Variants in SHLD2 observed in about 807,000 individuals in gnomAD.
SHLD2 encodes shieldin complex subunit 2, also known as RINN1-REV7-interacting novel NHEJ regulator 2.
A neutral mutation model predicts 73.2 loss-of-function variants in SHLD2; 30 were observed. The ratio of observed to expected loss-of-function variants is 0.41; its 90% confidence interval spans 0.31 to 0.56. SHLD2 has a LOEUF of 0.56. SHLD2 is among the 20% of genes least tolerant of loss of function. The pLI, the probability that SHLD2 is intolerant of heterozygous loss-of-function variation, is 0.28. For missense variants in SHLD2, 745 were observed against 1,055.9 expected, an observed-to-expected ratio of 0.71 and a Z score of 4.08; for synonymous variants, 285 against 370.1, an observed-to-expected ratio of 0.77 and a Z score of 2.64.
At position 87,187,064 on chromosome 10, in the gene SHLD2, GTGT is replaced by G; in HGVS notation, c.2400-16_2400-14del. On this transcript the variant is annotated intron_variant, in intron 8 of 9. Coordinates refer to ENST00000298786, the MANE Select transcript of SHLD2 (RefSeq NM_001330112.2). ...ATCTGAAAATCTTTTTGAAGGTCGT[GTGT>G]TGTTTACTCTTTTGTAGGCCAGCGT... The G allele has an allele frequency of 6.9e-7, 1 of 1,446,980 alleles. No homozygotes were observed. Among genetic ancestry groups the G allele is most frequent in the Non-Finnish European group, 9.7e-7 (1 of 1,029,744 alleles). 89.6% of individuals were successfully genotyped at this position (1,446,980 alleles called of 1,614,324 possible).
chr10:87,111,732 C>A (rs1842937733), intron 2 of SHLD2, among the ~76,000 whole-genome samples: 1 of 150,688 alleles, frequency 6.6e-6, no homozygotes, highest in South Asian at 2.1e-4. Context: ...CCTGCTTTGG[C>A]CTCCCAAAGT....
chr10:87,132,451 A>G (rs1844496074), intron 2 of SHLD2, among the ~76,000 whole-genome samples: 2 of 152,184 alleles, frequency 1.3e-5, no homozygotes, highest in Admixed American at 1.3e-4. Flanking sequence ...ATTTTTATCC[A>G]TGATAATGTA....
chr10:87,180,171 T>A lies in SHLD2; in HGVS notation c.2267T>A (p.Ile756Asn), dbSNP rs1373561182. Residue 756 changes from isoleucine to asparagine, a missense_variant, in exon 8 of 10, where the codon ATT becomes AAT. This residue lies in a region of SHLD2 where 418 missense variants were observed against 567.8 expected (regional missense o/e 0.74). Transcript: ENST00000298786. Reference sequence around the variant, plus strand: ...AATGCTCACAGTTCTCTGAAGAGTATTTTTTCTTCTCTTCCCAACATCGTA... The same window carrying A: ...AATGCTCACAGTTCTCTGAAGAGTAATTTTTCTTCTCTTCCCAACATCGTA... ...ALNAHSSLKSIFSSLPNIVYT... is the reference protein window; with the variant it reads ...ALNAHSSLKSNFSSLPNIVYT... 13 of 1,613,630 alleles carry A rather than the reference T, an allele frequency of 8.1e-6. No individual in the cohort carries two copies. The highest frequency in any genetic ancestry group is 9.3e-6 in the Non-Finnish European group (11 of 1,179,712).
At chr10:87,132,186 C>G (rs868419625) in intron 2 of SHLD2, among the ~76,000 whole-genome samples, 49 of 152,000 alleles carry the variant, frequency 3.2e-4, no homozygotes, top group African/African-American at 1.1e-3. Context: ...TATTTTTGAT[C>G]CTTGAACTCA....
intron 4 of SHLD2, among the ~76,000 whole-genome samples, chr10:87,161,176 G>A (rs1305938314): frequency 6.6e-6 from 1 of 152,110 alleles, no homozygotes; most frequent in Non-Finnish European, 1.5e-5. Context: ...ATTAGGCTGA[G>A]TGCAGTGGTT....
intron 2 of SHLD2, among the ~76,000 whole-genome samples, chr10:87,131,870 C>T (rs1212009761): frequency 6.6e-6 from 1 of 152,088 alleles, no homozygotes; most frequent in Non-Finnish European, 1.5e-5. Context: ...ACATTTTTGC[C>T]GACACTGTTT....
chr10:87,153,907 AATTT>A (rs1846190294), intron 3 of SHLD2: 1 of 152,040 alleles, frequency 6.6e-6, no homozygotes, highest in Admixed American at 6.6e-5. Flanking sequence ...TTTAATTTTT[AATTT>A]ATTTATTTTT....
intron 2 of SHLD2, among the ~76,000 whole-genome samples, chr10:87,124,752 T>G (rs984515500): frequency 5.3e-5 from 8 of 151,530 alleles, no homozygotes; most frequent in East Asian, 3.9e-4. Context: ...AATTGTTTTT[T>G]TTTTTTTTTT....
Position 87,175,823 on chromosome 10 carries a change from T to C in SHLD2, c.1964-66T>C, listed in dbSNP as rs1015963391. 6 of 1,473,226 alleles carry C rather than the reference T, an allele frequency of 4.1e-6. No individual in the cohort carries two copies. In the African/African-American group the frequency reaches 8.5e-5, roughly 21 times the overall value. The allele number at this position is 1,473,226 out of a possible 1,614,324, so 91.3% of individuals were successfully genotyped here. A position where few individuals can be genotyped will look rare whatever the true frequency, so the allele number is the denominator to read the frequency against. Reference sequence around the variant, plus strand: ...ACTGACTTAATCAGATCAATCTATTTAATCTGATACTAAGCCTAGATTTTT... The same window carrying C: ...ACTGACTTAATCAGATCAATCTATTCAATCTGATACTAAGCCTAGATTTTT... On this transcript the variant is annotated intron_variant, in intron 6 of 9. Coordinates refer to ENST00000298786, the MANE Select transcript of SHLD2 (RefSeq NM_001330112.2).
intron 4 of SHLD2, among the ~76,000 whole-genome samples, chr10:87,170,264 ATAAT>A (rs1190578416): frequency 6.6e-6 from 1 of 152,240 alleles, no homozygotes; most frequent in Non-Finnish European, 1.5e-5. Flanking sequence ...GGGATAGTAA[ATAAT>A]TCCATTTCCA....
chr10:87,104,623 T>A (rs1185500074), intron 2 of SHLD2, among the ~76,000 whole-genome samples: 1 of 151,714 alleles, frequency 6.6e-6, no homozygotes, highest in Non-Finnish European at 1.5e-5. Flanking sequence ...AATAAAAATT[T>A]AAAAAATATA....
intron 3 of SHLD2, among the ~76,000 whole-genome samples, chr10:87,156,267 A>G (rs558067724): frequency 2.0e-5 from 3 of 152,138 alleles, no homozygotes; most frequent in Admixed American, 6.6e-5. Flanking sequence ...GGGTTTCACC[A>G]TATTGGCCGG....
rs1288987645 is a variant in SHLD2 at position 87,170,341 on chromosome 10, T to C, written c.1634-137T>C. On this transcript the variant is annotated intron_variant, in intron 4 of 9. Coordinates refer to ENST00000298786, the MANE Select transcript of SHLD2 (RefSeq NM_001330112.2). ...TGATTCAAGACTTAGCTATTGTACA[T>C]GTTTTAGAGAAAGCAAAACTATATT... 2.6e-5 allele frequency: 15 copies of C among 581,964 alleles called. No homozygotes were observed. The East Asian group carries it at 4.4e-4, about 17-fold the overall frequency. The allele number at this position is 581,964 out of a possible 1,614,324, so 36.1% of individuals were successfully genotyped here. A position where few individuals can be genotyped will look rare whatever the true frequency, so the allele number is the denominator to read the frequency against.
At chr10:87,182,286 A>G (rs3129433) in intron 8 of SHLD2, among the ~76,000 whole-genome samples, 2 of 152,230 alleles carry the variant, frequency 1.3e-5, no homozygotes, top group Non-Finnish European at 2.9e-5. Context: ...CATATCACAT[A>G]TGTACTGTGG....
At chr10:87,182,763 T>C (rs1848391681) in intron 8 of SHLD2, among the ~76,000 whole-genome samples, 1 of 151,860 alleles carries the variant, frequency 6.6e-6, no homozygotes, top group Admixed American at 6.6e-5. Context: ...GCTGCAGTCA[T>C]CTGAAGGCTT....
At chr10:87,165,382 T>C (rs943598636) in intron 4 of SHLD2, among the ~76,000 whole-genome samples, 17 of 152,200 alleles carry the variant, frequency 1.1e-4, no homozygotes, top group African/African-American at 3.4e-4. Context: ...AAATAATAAA[T>C]TTATAAGAAA....
intron 2 of SHLD2, among the ~76,000 whole-genome samples, chr10:87,125,955 A>G (rs1430788116): frequency 6.6e-6 from 1 of 152,018 alleles, no homozygotes; most frequent in Non-Finnish European, 1.5e-5. Flanking sequence ...AATTCTCAGT[A>G]ATTTTTGCAA....
At chr10:87,133,354 A>C (rs1844568344) in intron 2 of SHLD2, among the ~76,000 whole-genome samples, 1 of 152,050 alleles carries the variant, frequency 6.6e-6, no homozygotes, top group Non-Finnish European at 1.5e-5. Flanking sequence ...TTACTGTATC[A>C]CTTCTGCAAT....
At position 87,152,471 on chromosome 10, in the gene SHLD2, A is replaced by G. The variant is rs1486673492; in HGVS notation, c.1117A>G (p.Lys373Glu). 1.2e-6 allele frequency: 2 copies of G among 1,611,496 alleles called. No homozygotes were observed. The highest frequency in any genetic ancestry group is 2.7e-5 in the African/African-American group (2 of 74,782). Residue 373 changes from lysine (K) to glutamate (E), a missense_variant, in exon 3 of 10, where the codon AAA becomes GAA. Transcript: ENST00000298786. ...GTGTTCCCAACTAAATACCTTCCAC[A>G]AAAGTGCTATTAAAAGAAGCTGTAC... ...ILCSQLNTFHKSAIKRSCTSE... is the reference protein window; with the variant it reads ...ILCSQLNTFHESAIKRSCTSE...
Sources: allele counts gnomAD v4.1 joint callset (sites outside exome capture counted in the v4.1 genomes callset), GRCh38; gene constraint gnomAD v4.1.1; regional missense constraint gnomAD v4.1.1; transcripts MANE v1.5; gene names NCBI Gene and HGNC (gene_info 2026-07-23, HGNC 2026-07-21).